Variants in GREB1 observed in about 807,000 individuals in gnomAD.
GREB1 encodes the protein protein GREB1.
Under a neutral mutation model 200.7 loss-of-function variants are expected in GREB1, and 106 were observed. The ratio of observed to expected loss-of-function variants is 0.53; its 90% CI spans 0.45 to 0.62. The LOEUF (loss-of-function observed/expected upper bound fraction) is 0.62. Among genes scored for constraint, GREB1 ranks in the 20% least tolerant of loss-of-function variants. GREB1 has a pLI of 0.00. For synonymous variants in GREB1, 1,132 were observed against 1,092.4 expected (o/e 1.04, Z -0.72); for missense variants, 2,243 against 2,556.8 (o/e 0.88, Z 2.65).
chr2:11,487,952 C>T (rs1364530550), intron 1 of GREB1, among the ~76,000 whole-genome samples: 2 of 152,114 alleles, frequency 1.3e-5, no homozygotes, highest in Non-Finnish European at 2.9e-5. Flanking sequence ...TGGGGACCTA[C>T]CATACTTATT....
intron 1 of GREB1, among the ~76,000 whole-genome samples, chr2:11,490,538 A>G (rs777467485): frequency 1.3e-5 from 2 of 152,094 alleles, no homozygotes; most frequent in Non-Finnish European, 2.9e-5. Flanking sequence ...AATTTTTGGT[A>G]TGGAAATGTG....
Position 11,617,222 on chromosome 2 carries a change from G to A in GREB1, c.3412+502G>A, listed in dbSNP as rs181062895. Among the ~76,000 whole-genome samples, 774 of 152,338 alleles carry A rather than the reference G, an allele frequency of 5.1e-3. 3 individuals carry two copies. The highest frequency in any genetic ancestry group is 0.027 in the Middle Eastern group (8 of 294). The stretch of plus-strand genomic sequence containing the variant: ...GCAGTGCCAACCACAGGCTCCACAC[G>A]GTCTCTGCCCTAAGGGGTTCCTCTG... On this transcript the variant is annotated intron_variant, in intron 21 of 32. Coordinates refer to ENST00000381486, the MANE Select transcript of GREB1 (RefSeq NM_014668.4).
rs547856703 is a variant in GREB1 at position 11,542,834 on chromosome 2, C to A, written c.-162+8580C>A. On this transcript the variant is annotated intron_variant, in intron 1 of 32. Transcript: ENST00000381486. ...AACAACAAAGTGAGTTCAGGTAATA[C>A]CTGGGGCAGTGGGAATTAGCTAATT... The A allele has an allele frequency of 3.3e-5, 5 of 152,704 alleles. No individual in the cohort carries two copies. In the East Asian group the frequency reaches 7.7e-4, roughly 24 times the overall value. 9.5% of individuals were successfully genotyped at this position (152,704 alleles called of 1,614,324 possible). A position where few individuals can be genotyped will look rare whatever the true frequency, so the allele number is the denominator to read the frequency against.
chr2:11,600,889 C>A lies in GREB1; in HGVS notation c.2423C>A (p.Pro808His). The A allele has an allele frequency of 6.2e-7, 1 of 1,614,092 alleles. No homozygotes were observed. Among genetic ancestry groups the A allele is most frequent in the Non-Finnish European group, 8.5e-7 (1 of 1,180,000 alleles). ...LLNCREVKEA[P>H]NIVTLHVTSF... is the part of the protein sequence containing the mutation. ...AACTGCAGGGAGGTGAAGGAGGCCC[C>A]CAACATTGTGACACTTCACGTGACC... The change falls in exon 16 of 33, where the codon CCC becomes CAC. Residue 808 changes from proline (P) to histidine (H), a missense_variant. Around this residue, in one of 3 missense-constraint regions of GREB1, gnomAD observed 1,178 missense variants for 1,387.4 expected, o/e 0.85. Coordinates refer to ENST00000381486, the MANE Select transcript of GREB1 (RefSeq NM_014668.4).
At chr2:11,595,180 C>CT in intron 11 of GREB1, 71 bp from the exon 12 acceptor site, 2 of 1,391,860 alleles carry the variant, frequency 1.4e-6, no homozygotes, top group Non-Finnish European at 2.0e-6. Context: ...GGTTAAGGGA[C>CT]TAGTCTAGGG....
At chr2:11,532,987 T>G (rs1674132301), upstream of GREB1, among the ~76,000 whole-genome samples, 1 of 152,258 alleles carries the variant, frequency 6.6e-6, no homozygotes. Context: ...GGAAGTTAAG[T>G]CAGTCACATA....
At chr2:11,587,016 G>A (rs1363226203) in intron 9 of GREB1, among the ~76,000 whole-genome samples, 10 of 152,152 alleles carry the variant, frequency 6.6e-5, no homozygotes, top group African/African-American at 1.7e-4. Flanking sequence ...CAGGCAGGGC[G>A]TCACCTGCTT....
chr2:11,509,089 A>G (rs1254431873), intron 1 of GREB1, among the ~76,000 whole-genome samples: 2 of 149,710 alleles, frequency 1.3e-5, no homozygotes, highest in Non-Finnish European at 3.0e-5. Context: ...GTTAGCCAGG[A>G]TGGTCTCGAT....
At chr2:11,557,700 AT>A (rs1676568253) in intron 2 of GREB1, among the ~76,000 whole-genome samples, 1 of 152,206 alleles carries the variant, frequency 6.6e-6, no homozygotes, top group Admixed American at 6.5e-5. Context: ...TTTCTGTGTC[AT>A]TGTTTAAAAC....
chr2:11,598,902 T>C, intron 15 of GREB1, 42 bp downstream of exon 15: 1 of 1,520,628 alleles, frequency 6.6e-7, no homozygotes, highest in Admixed American at 1.7e-5. Flanking sequence ...ATTTTCCTTC[T>C]TTGAAGTGAT....
At chr2:11,509,769 A>G (rs1673299283) in intron 1 of GREB1, among the ~76,000 whole-genome samples, 1 of 152,204 alleles carries the variant, frequency 6.6e-6, no homozygotes. Flanking sequence ...AGAAGGCCCC[A>G]TCTTTGAAGC....
intron 1 of GREB1, among the ~76,000 whole-genome samples, chr2:11,524,909 G>T (rs1352425396): frequency 6.6e-6 from 1 of 152,184 alleles, no homozygotes; most frequent in Admixed American, 6.5e-5. Context: ...TCTATGGGCG[G>T]GTCTTCTAGA....
At chr2:11,626,812 A>C in intron 24 of GREB1, 150 bp from the exon 25 acceptor site, 1 of 713,382 alleles carries the variant, frequency 1.4e-6, no homozygotes, top group Non-Finnish European at 2.4e-6. Flanking sequence ...CTGTCACGTC[A>C]GGGCCCAGGG....
intron 17 of GREB1, among the ~76,000 whole-genome samples, chr2:11,607,530 A>G (rs991320715): frequency 0.025 from 2,317 of 92,768 alleles, 63 homozygotes; most frequent in African/African-American, 0.093. Context: ...ATATATATAC[A>G]CATATATATA....
chr2:11,613,906 C>T (rs1683156165), intron 19 of GREB1, among the ~76,000 whole-genome samples: 1 of 152,158 alleles, frequency 6.6e-6, no homozygotes, highest in Non-Finnish European at 1.5e-5. Flanking sequence ...GGAACCCTCA[C>T]GTACCCCTCT....
intron 31 of GREB1, among the ~76,000 whole-genome samples, chr2:11,638,443 A>T (rs1451723489): frequency 8.5e-5 from 13 of 152,210 alleles, no homozygotes; most frequent in Non-Finnish European, 4.4e-5. Context: ...ACTCGGCCTA[A>T]ATATTCTGAT....
At chr2:11,591,113 CAAAGG>C (rs1378318154) in intron 10 of GREB1, among the ~76,000 whole-genome samples, 2 of 152,082 alleles carry the variant, frequency 1.3e-5, no homozygotes, top group African/African-American at 4.8e-5. Flanking sequence ...GATGTGGACT[CAAAGG>C]AAAGTTTTTA....
intron 4 of GREB1, among the ~76,000 whole-genome samples, chr2:11,573,794 C>G (rs1381843267): frequency 6.6e-6 from 1 of 152,230 alleles, no homozygotes; most frequent in Non-Finnish European, 1.5e-5. Flanking sequence ...GCTCCCTGTG[C>G]TTCCCATCCC....
At chr2:11,595,502 C>A in intron 12 of GREB1, 123 bp downstream of exon 12, 1 of 934,278 alleles carries the variant, frequency 1.1e-6, no homozygotes, top group South Asian at 1.7e-5. Context: ...CTGCAGAGTG[C>A]CCCTCATTCT....
Sources: gnomAD v4.1 joint callset for allele counts (sites outside exome capture counted in the v4.1 genomes callset) on GRCh38, gnomAD v4.1.1 for gene constraint, gnomAD v4.1.1 regional missense constraint, MANE v1.5 for transcripts, NCBI Gene and HGNC (gene_info 2026-07-23, HGNC 2026-07-21) for gene names.